Variants in MAGI3 observed in about 807,000 individuals in gnomAD.
The protein encoded by MAGI3 is membrane associated guanylate kinase, WW and PDZ domain containing 3.
MAGI3 carries 43 observed loss-of-function variants against 121.8 expected under a neutral mutation model. That is an observed-to-expected ratio of 0.35 (90% CI 0.28 to 0.46). MAGI3 has a LOEUF of 0.46. Ranked by LOEUF, MAGI3 falls within the 20% of genes least tolerant of loss-of-function variation. The pLI, the probability that MAGI3 is intolerant of heterozygous loss-of-function variation, is 1.00. For missense variants in MAGI3, 1,547 were observed against 1,797.3 expected (o/e 0.86, Z 2.52); for synonymous variants, 553 against 639.3 (o/e 0.86, Z 2.04).
intron 2 of MAGI3, among the ~76,000 whole-genome samples, chr1:113,550,514 G>A (rs1659734481): frequency 6.6e-6 from 1 of 151,950 alleles, no homozygotes. Flanking sequence ...CCAGCACTTT[G>A]GGAGGCTGAG....
intron 12 of MAGI3, 74 bp from the exon 13 acceptor site, chr1:113,649,163 T>C: frequency 8.5e-7 from 1 of 1,177,236 alleles, no homozygotes. Context: ...AATATCCTAC[T>C]AAATACTGAA....
chr1:113,631,002 T>C (rs1651593569), intron 9 of MAGI3, among the ~76,000 whole-genome samples: 1 of 152,156 alleles, frequency 6.6e-6, no homozygotes, highest in African/African-American at 2.4e-5. Context: ...CTCCAATCAC[T>C]GGAATGGGCA....
At chr1:113,535,634 A>G (rs1557809479) in intron 1 of MAGI3, among the ~76,000 whole-genome samples, 1 of 152,198 alleles carries the variant, frequency 6.6e-6, no homozygotes, top group African/African-American at 2.4e-5. Flanking sequence ...AGTATATGTT[A>G]ATAGATATTG....
At chr1:113,477,900 A>T (rs1570733753) in intron 1 of MAGI3, among the ~76,000 whole-genome samples, 1 of 152,232 alleles carries the variant, frequency 6.6e-6, no homozygotes, top group African/African-American at 2.4e-5. Context: ...ACATAGTCCC[A>T]TATTTCTTGG....
chr1:113,595,014 A>G (rs539002670), intron 6 of MAGI3, among the ~76,000 whole-genome samples: 2 of 152,332 alleles, frequency 1.3e-5, no homozygotes, highest in Non-Finnish European at 2.9e-5. Context: ...AAATTCAAGG[A>G]AAGTCTTTAA....
intron 1 of MAGI3, among the ~76,000 whole-genome samples, chr1:113,416,284 T>TATTAATTATGTA (rs74916748): frequency 0.18 from 5,069 of 27,488 alleles, 1,256 homozygotes; most frequent in Middle Eastern, 0.29. Flanking sequence ...TAATTACACA[T>TATTAATTATGTA]ATTAATTATG....
intron 9 of MAGI3, among the ~76,000 whole-genome samples, chr1:113,630,663 G>T (rs985989400): frequency 1.3e-5 from 2 of 152,188 alleles, no homozygotes; most frequent in African/African-American, 4.8e-5. Context: ...CTCTTGAGCA[G>T]GCAGGTGATG....
chr1:113,684,353 A>G lies in MAGI3; in HGVS notation c.*339A>G, dbSNP rs566585989. The G allele has an allele frequency of 5.6e-6, 1 of 177,602 alleles. No homozygotes were observed. Among genetic ancestry groups the G allele is most frequent in the South Asian group, 1.4e-4 (1 of 7,130 alleles). The allele number at this position is 177,602 out of a possible 1,614,324, so 11.0% of individuals were successfully genotyped here. ...CACAACTCACTTTGTATTTGTGCCA[A>G]GTTATCTACTGTATCATGTCTGTTT... is the stretch of plus-strand genomic sequence containing the variant. On this transcript the variant is annotated 3_prime_UTR_variant, in exon 21 of 21. Coordinates refer to ENST00000307546, the MANE Select transcript of MAGI3 (RefSeq NM_001142782.2).
chr1:113,622,303 G>A (rs1326961221), intron 8 of MAGI3, among the ~76,000 whole-genome samples: 4 of 151,516 alleles, frequency 2.6e-5, no homozygotes, highest in African/African-American at 9.7e-5. Context: ...TGAATCACTA[G>A]GGTCATCTAA....
intron 1 of MAGI3, among the ~76,000 whole-genome samples, chr1:113,449,547 A>G (rs908569623): frequency 6.6e-6 from 1 of 152,202 alleles, no homozygotes. Flanking sequence ...TCCAGAACAG[A>G]GTAGATCCTG....
At chr1:113,452,161 C>CT (rs896609711) in intron 1 of MAGI3, among the ~76,000 whole-genome samples, 1 of 152,060 alleles carries the variant, frequency 6.6e-6, no homozygotes, top group Non-Finnish European at 1.5e-5. Flanking sequence ...AAGGACCTTG[C>CT]TTATGTCACC....
chr1:113,564,073 A>G (rs1660342006), intron 2 of MAGI3, among the ~76,000 whole-genome samples: 1 of 152,192 alleles, frequency 6.6e-6, no homozygotes, highest in African/African-American at 2.4e-5. Context: ...AATTCTGTAT[A>G]TTAAACTGTC....
chr1:113,599,804 T>C (rs1035931786), intron 6 of MAGI3, among the ~76,000 whole-genome samples: 23 of 151,800 alleles, frequency 1.5e-4, no homozygotes, highest in African/African-American at 5.1e-4. Flanking sequence ...TTGATGAACA[T>C]TGATGCAAAA....
At chr1:113,623,075 A>G in intron 9 of MAGI3, 81 bp downstream of exon 9, 1 of 837,538 alleles carries the variant, frequency 1.2e-6, no homozygotes. Context: ...ATACATAAAG[A>G]GAGAGAAATA....
chr1:113,594,624 C>T (rs1648886137), intron 6 of MAGI3, 64 bp downstream of exon 6: 1 of 1,409,118 alleles, frequency 7.1e-7, no homozygotes, highest in East Asian at 2.3e-5. Flanking sequence ...TCTTCTTGCT[C>T]AGATAATGGG....
Position 113,633,238 on chromosome 1 carries a change from A to ATTTTTT in MAGI3, c.1361-8637_1361-8632dup, listed in dbSNP as rs71090716. On this transcript the variant is annotated intron_variant, in intron 9 of 20. Coordinates refer to ENST00000307546, the MANE Select transcript of MAGI3 (RefSeq NM_001142782.2). ...TCCCTACAAAGGACATGAACTCATC[A>ATTTTTT]TTTTTTTTTTTTTTTTTTTTTTTTT... Among the ~76,000 whole-genome samples the ATTTTTT allele has an allele frequency of 1.0e-3, 58 of 56,670 alleles. 20 individuals are homozygous for ATTTTTT. The highest frequency in any genetic ancestry group is 4.5e-3 in the East Asian group (7 of 1,546). The allele number at this position is 56,670 out of a possible 152,430, so 37.2% of individuals were successfully genotyped here.
At chr1:113,494,610 A>C (rs910439304) in intron 1 of MAGI3, among the ~76,000 whole-genome samples, 3 of 152,212 alleles carry the variant, frequency 2.0e-5, no homozygotes, top group African/African-American at 7.2e-5. Context: ...TCTTTATTTA[A>C]AATATAAAAC....
At chr1:113,446,483 G>A (rs56754270) in intron 1 of MAGI3, among the ~76,000 whole-genome samples, 4,547 of 152,234 alleles carry the variant, frequency 0.03, 223 homozygotes, top group African/African-American at 0.1. Context: ...GGACAAAAAT[G>A]TATAAAGCAT....
chr1:113,578,962 T>G (rs1647836734), intron 2 of MAGI3, among the ~76,000 whole-genome samples: 1 of 12,190 alleles, frequency 8.2e-5, no homozygotes, highest in South Asian at 3.8e-3. Flanking sequence ...TAATCTTTGT[T>G]TTTTTTTGTG....
Sources: gnomAD v4.1 joint callset for allele counts (sites outside exome capture counted in the v4.1 genomes callset) on GRCh38, gnomAD v4.1.1 for gene constraint, MANE v1.5 for transcripts, NCBI Gene and HGNC (gene_info 2026-07-23, HGNC 2026-07-21) for gene names.